Variants in LOC128706665 observed in about 807,000 individuals in gnomAD.
At chr20:10,417,578 G>A in the LOC128706665 span, among the ~76,000 whole-genome samples, 1 of 152,030 alleles carries the variant, frequency 6.6e-6, no homozygotes, top group Non-Finnish European at 1.5e-5. Context: ...TTACTGCACT[G>A]TAGCCTGGGT....
the LOC128706665 span, chr20:10,420,849 G>GTAGTGC: frequency 6.6e-6 from 1 of 152,122 alleles, no homozygotes; most frequent in Non-Finnish European, 1.5e-5. Flanking sequence ...GTAGCATGCT[G>GTAGTGC]TACTCTAACA....
the LOC128706665 span, among the ~76,000 whole-genome samples, chr20:10,424,264 G>GA: frequency 6.0e-5 from 9 of 149,144 alleles, no homozygotes; most frequent in East Asian, 3.9e-4. Context: ...AAATAAAAAG[G>GA]AAAAAAAAAG....
chr20:10,427,653 C>A, the LOC128706665 span, among the ~76,000 whole-genome samples: 1 of 152,188 alleles, frequency 6.6e-6, no homozygotes, highest in East Asian at 1.9e-4. Flanking sequence ...AAAGACTGCA[C>A]GTGGTCTTCA....
the LOC128706665 span, among the ~76,000 whole-genome samples, chr20:10,425,965 A>G: frequency 9.8e-5 from 15 of 152,352 alleles, no homozygotes; most frequent in South Asian, 3.1e-3. Flanking sequence ...AATAGAGTTG[A>G]TATTTATAGT....
the LOC128706665 span, among the ~76,000 whole-genome samples, chr20:10,432,688 C>T: frequency 6.8e-6 from 1 of 147,758 alleles, no homozygotes; most frequent in Non-Finnish European, 1.5e-5. Context: ...CAAACTTCTC[C>T]GGAGGCTAAG....
the LOC128706665 span, among the ~76,000 whole-genome samples, chr20:10,424,693 A>G: frequency 0.067 from 10,163 of 152,228 alleles, 375 homozygotes; most frequent in East Asian, 0.17. Flanking sequence ...AATCAAACAT[A>G]TTTTGGGGAT....
the LOC128706665 span, among the ~76,000 whole-genome samples, chr20:10,426,413 T>G: frequency 7.9e-5 from 12 of 152,102 alleles, no homozygotes; most frequent in African/African-American, 2.9e-4. Context: ...ATGTTGTTCT[T>G]TTTTCTTTTT....
the LOC128706665 span, among the ~76,000 whole-genome samples, chr20:10,418,871 C>T: frequency 6.6e-6 from 1 of 152,066 alleles, no homozygotes; most frequent in African/African-American, 2.4e-5. Context: ...CTAATAAATT[C>T]TCTAACTCCC....
the LOC128706665 span, among the ~76,000 whole-genome samples, chr20:10,422,972 A>G: frequency 6.6e-6 from 1 of 152,030 alleles, no homozygotes; most frequent in Non-Finnish European, 1.5e-5. Flanking sequence ...CGGCCTCCCA[A>G]AGTGCTGGGA....
At chr20:10,427,835 G>C in the LOC128706665 span, among the ~76,000 whole-genome samples, 2 of 152,138 alleles carry the variant, frequency 1.3e-5, no homozygotes, top group Non-Finnish European at 2.9e-5. Context: ...TCATAATTGA[G>C]TTCTAAAGTT....
chr20:10,427,691 T>C, the LOC128706665 span, among the ~76,000 whole-genome samples: 1 of 152,340 alleles, frequency 6.6e-6, no homozygotes, highest in East Asian at 1.9e-4. Flanking sequence ...ACTGACATGG[T>C]AAACAGAACA....
the LOC128706665 span, among the ~76,000 whole-genome samples, chr20:10,422,912 C>T: frequency 1.3e-5 from 2 of 151,862 alleles, no homozygotes; most frequent in Non-Finnish European, 1.5e-5. Context: ...AGGGTTTCAC[C>T]GTGTTAGCCA....
the LOC128706665 span, among the ~76,000 whole-genome samples, chr20:10,432,627 T>C: frequency 9.2e-5 from 14 of 151,980 alleles, no homozygotes; most frequent in Non-Finnish European, 1.5e-4. Flanking sequence ...ACACCATCTC[T>C]ACTAAAAAAT....
At chr20:10,423,754 A>G in the LOC128706665 span, among the ~76,000 whole-genome samples, 1 of 152,316 alleles carries the variant, frequency 6.6e-6, no homozygotes, top group Admixed American at 6.5e-5. Flanking sequence ...TTCCATTAGG[A>G]TAACTTAAGG....
the LOC128706665 span, among the ~76,000 whole-genome samples, chr20:10,431,411 CA>C: frequency 6.6e-6 from 1 of 152,064 alleles, no homozygotes; most frequent in South Asian, 2.1e-4. Flanking sequence ...CTACTAGCCT[CA>C]GGGGGGAACT....
At chr20:10,421,209 T>C in the LOC128706665 span, among the ~76,000 whole-genome samples, 12 of 152,090 alleles carry the variant, frequency 7.9e-5, no homozygotes, top group Admixed American at 7.9e-4. Context: ...GCAGGCAGAT[T>C]GCCTGAGGTC....
chr20:10,432,766 C>T, the LOC128706665 span, among the ~76,000 whole-genome samples: 2 of 123,108 alleles, frequency 1.6e-5, no homozygotes, highest in South Asian at 2.7e-4. Flanking sequence ...CTTCAGCCTG[C>T]GCGACAGAGC....
At chr20:10,428,275 A>G in the LOC128706665 span, among the ~76,000 whole-genome samples, 13 of 152,262 alleles carry the variant, frequency 8.5e-5, no homozygotes, top group South Asian at 6.2e-4. Flanking sequence ...TTGGTGGAGG[A>G]GAGGGGAGTA....
the LOC128706665 span, among the ~76,000 whole-genome samples, chr20:10,432,534 T>C: frequency 2.6e-5 from 4 of 152,186 alleles, no homozygotes; most frequent in Non-Finnish European, 5.9e-5. Flanking sequence ...GGGTCATGCC[T>C]GTAATCCCAG....
Sources: gnomAD v4.1 joint callset for allele counts (sites outside exome capture counted in the v4.1 genomes callset) on GRCh38, gnomAD v4.1.1 for gene constraint, MANE v1.5 for transcripts.